Variants in TAS2R1 observed in about 807,000 individuals in gnomAD.
TAS2R1 encodes the protein taste receptor type 2 member 1.
For synonymous variants in TAS2R1, 141 were observed against 134.2 expected (o/e 1.05, Z -0.35); for missense variants, 370 against 353.4 (o/e 1.05, Z -0.38).
At chr5:9,738,746 G>A in the TAS2R1 span, among the ~76,000 whole-genome samples, 1 of 152,004 alleles carries the variant, frequency 6.6e-6, no homozygotes, top group East Asian at 1.9e-4. Context: ...TTGACCTAAA[G>A]TAATGACTAA....
At chr5:9,767,938 A>AC in the TAS2R1 span, among the ~76,000 whole-genome samples, 1 of 151,472 alleles carries the variant, frequency 6.6e-6, no homozygotes, top group Non-Finnish European at 1.5e-5. Context: ...AAAAAAAAAA[A>AC]AAAAGCCAGA....
chr5:9,691,054 T>C (rs1170902211), intron 1 of TAS2R1, among the ~76,000 whole-genome samples: 3 of 152,214 alleles, frequency 2.0e-5, no homozygotes, highest in South Asian at 2.1e-4. Flanking sequence ...CAGAAAGATA[T>C]GTCCACCGCC....
At chr5:9,694,492 G>A (rs1741319879) in intron 1 of TAS2R1, among the ~76,000 whole-genome samples, 1 of 152,080 alleles carries the variant, frequency 6.6e-6, no homozygotes, top group Non-Finnish European at 1.5e-5. Context: ...TCTTAATTTG[G>A]GCTTCAATCA....
chr5:9,695,586 ACT>A (rs1741340366), intron 1 of TAS2R1, among the ~76,000 whole-genome samples: 1 of 152,174 alleles, frequency 6.6e-6, no homozygotes. Flanking sequence ...GCTTGGGTGC[ACT>A]GGGGGTGGGA....
At chr5:9,750,220 G>A in the TAS2R1 span, among the ~76,000 whole-genome samples, 4 of 152,138 alleles carry the variant, frequency 2.6e-5, no homozygotes, top group Admixed American at 2.6e-4. Flanking sequence ...CATACTGTCT[G>A]CCTCCCTATC....
At chr5:9,892,836 A>G in the TAS2R1 span, among the ~76,000 whole-genome samples, 1 of 152,182 alleles carries the variant, frequency 6.6e-6, no homozygotes, top group Non-Finnish European at 1.5e-5. Context: ...ACAAAAAAGC[A>G]GCCCTTCTTC....
At chr5:9,686,173 A>G (rs1251804376) in intron 1 of TAS2R1, among the ~76,000 whole-genome samples, 1 of 152,170 alleles carries the variant, frequency 6.6e-6, no homozygotes, top group Non-Finnish European at 1.5e-5. Context: ...CCTTGATTGC[A>G]TCTTTTAAGC....
chr5:9,862,259 C>T, the TAS2R1 span, among the ~76,000 whole-genome samples: 1 of 152,090 alleles, frequency 6.6e-6, no homozygotes, highest in African/African-American at 2.4e-5. Flanking sequence ...TCAGTGCATT[C>T]GTTTTCAGTT....
At chr5:9,784,327 T>A in the TAS2R1 span, among the ~76,000 whole-genome samples, 61 of 152,226 alleles carry the variant, frequency 4.0e-4, no homozygotes, top group African/African-American at 1.4e-3. Flanking sequence ...TGGGCTCTCA[T>A]ACATCCAGGA....
intron 1 of TAS2R1, among the ~76,000 whole-genome samples, chr5:9,668,081 G>T (rs1740674963): frequency 6.6e-6 from 1 of 152,156 alleles, no homozygotes; most frequent in Non-Finnish European, 1.5e-5. Context: ...GAACCAAACT[G>T]ATCTGATAGA....
chr5:9,876,059 T>A, the TAS2R1 span, among the ~76,000 whole-genome samples: 2 of 151,880 alleles, frequency 1.3e-5, no homozygotes, highest in African/African-American at 4.8e-5. Context: ...TTGCCCCACC[T>A]CCAGAGTGGT....
the TAS2R1 span, among the ~76,000 whole-genome samples, chr5:9,721,267 C>T: frequency 6.6e-4 from 100 of 152,228 alleles, no homozygotes; most frequent in African/African-American, 2.3e-3. Flanking sequence ...TAAAATGGTC[C>T]AGAAGAAAGT....
At chr5:9,681,531 C>CAAAAGAAAAAAAAAAAAAAAAAAAAAA (rs1740995204) in intron 1 of TAS2R1, among the ~76,000 whole-genome samples, 1 of 87,920 alleles carries the variant, frequency 1.1e-5, no homozygotes, top group Non-Finnish European at 2.1e-5. Flanking sequence ...CATGTTTCTG[C>CAAAAGAAAAAAAAAAAAAAAAAAAAAA]AAAAAAAAAA....
chr5:9,847,600 T>C, the TAS2R1 span, among the ~76,000 whole-genome samples: 148 of 152,362 alleles, frequency 9.7e-4, no homozygotes, highest in African/African-American at 3.3e-3. Flanking sequence ...CACCAGGGAC[T>C]GGCTTGAGCC....
upstream of TAS2R1, among the ~76,000 whole-genome samples, chr5:9,632,849 G>A (rs983217750): frequency 6.6e-6 from 1 of 151,834 alleles, no homozygotes; most frequent in African/African-American, 2.4e-5. Context: ...CAGGAGGTTT[G>A]GAGTCAAATT....
intron 1 of TAS2R1, among the ~76,000 whole-genome samples, chr5:9,679,233 G>C (rs1326724692): frequency 3.9e-5 from 6 of 152,172 alleles, no homozygotes. Flanking sequence ...CGAAGCACAG[G>C]GGATTTTTAG....
At chr5:9,727,182 T>A in the TAS2R1 span, among the ~76,000 whole-genome samples, 2 of 152,336 alleles carry the variant, frequency 1.3e-5, no homozygotes, top group East Asian at 3.9e-4. Context: ...GTAGACAGTT[T>A]ATTTCTTCCT....
the TAS2R1 span, among the ~76,000 whole-genome samples, chr5:9,735,714 T>C: frequency 1.3e-5 from 2 of 152,254 alleles, no homozygotes; most frequent in African/African-American, 4.8e-5. Flanking sequence ...GTAAATTATA[T>C]ACTTACATCC....
At chr5:9,681,755 C>T (rs368203559) in intron 1 of TAS2R1, among the ~76,000 whole-genome samples, 16 of 152,210 alleles carry the variant, frequency 1.1e-4, no homozygotes, top group African/African-American at 3.4e-4. Flanking sequence ...ACAATTTAGT[C>T]CTGCTTCTCA....
Sources: gnomAD v4.1 joint callset for allele counts (sites outside exome capture counted in the v4.1 genomes callset) on GRCh38, gnomAD v4.1.1 for gene constraint, MANE v1.5 for transcripts, NCBI Gene and HGNC (gene_info 2026-07-23, HGNC 2026-07-21) for gene names.